SPAG8: variants seen among roughly 807,000 people sequenced by gnomAD.
The protein encoded by SPAG8 is sperm-associated antigen 8.
Under a neutral mutation model 45.3 loss-of-function variants are expected in SPAG8, and 36 were observed. The observed-to-expected ratio is 0.80, with a 90% CI of 0.61 to 1.05. The LOEUF (loss-of-function observed/expected upper bound fraction) is 1.05, where lower values mean the gene tolerates loss of function less well. Among genes scored for constraint, SPAG8 ranks in the 50% least tolerant of loss-of-function variants. SPAG8 has a pLI of 0.00. For synonymous variants in SPAG8, 227 were observed against 232.6 expected (o/e 0.98, Z 0.22); for missense variants, 573 against 609.2 (o/e 0.94, Z 0.63).
In SPAG8 at chr9:35,810,229, C is replaced by G; in HGVS notation, c.1263+18G>C. On this transcript the variant is annotated intron_variant, in intron 6 of 6. Transcript: ENST00000396638. Reference sequence around the variant, plus strand: ...TCCTGCCCCGCTCTGCCCCCAACACCTAGTCACCCTCACACACCGGCAGCT... The same window carrying G: ...TCCTGCCCCGCTCTGCCCCCAACACGTAGTCACCCTCACACACCGGCAGCT... 6.2e-7 allele frequency: 1 copy of G among 1,613,858 alleles called. No individual in the cohort carries two copies. Among genetic ancestry groups the G allele is most frequent in the Non-Finnish European group, 8.5e-7 (1 of 1,179,716 alleles).
At chr9:35,810,188 A>C in intron 6 of SPAG8, 56 bp from the exon 7 acceptor site, 1 of 1,609,614 alleles carries the variant, frequency 6.2e-7, no homozygotes, top group Admixed American at 1.7e-5. Context: ...AGAACAAAAC[A>C]ACTCTGCCCT....
chr9:35,809,022 G>A (rs1828593150), downstream of SPAG8: 2 of 993,082 alleles, frequency 2.0e-6, no homozygotes, highest in Admixed American at 3.4e-5. The surrounding 1 kb of genome is among the most constrained non-coding windows in gnomAD (Gnocchi z 4.1). Context: ...GGCATATTTT[G>A]GTCCTAATAG....
At chr9:35,808,398 GTC>G, downstream of SPAG8, 1 of 1,401,976 alleles carries the variant, frequency 7.1e-7, no homozygotes. The surrounding 1 kb of genome is among the most constrained non-coding windows in gnomAD (Gnocchi z 4.0). Context: ...CAATATTCTG[GTC>G]TCCAGCATGT....
downstream of SPAG8, chr9:35,808,856 AAG>A: frequency 6.5e-7 from 1 of 1,544,980 alleles, no homozygotes; most frequent in South Asian, 1.1e-5. The surrounding 1 kb of genome is among the most constrained non-coding windows in gnomAD (Gnocchi z 4.0). Flanking sequence ...TGGTCAAGGT[AAG>A]ACATTAGCCC....
downstream of SPAG8, chr9:35,807,950 C>T (rs1828498188): frequency 1.8e-6 from 1 of 558,568 alleles, no homozygotes; most frequent in Admixed American, 3.3e-5. Flanking sequence ...ATGGAAAGTA[C>T]CTAACATTGT....
In SPAG8 at chr9:35,810,239, T is replaced by C; in HGVS notation, c.1263+8A>G. On this transcript the variant is annotated splice_region_variant and intron_variant, in intron 6 of 6. Coordinates refer to ENST00000396638, the MANE Select transcript of SPAG8 (RefSeq NM_001039592.2). ...CTCTGCCCCCAACACCTAGTCACCCTCACACACCGGCAGCTGTGGTGCCCT... is the reference window on the plus strand; with the variant it reads ...CTCTGCCCCCAACACCTAGTCACCCCCACACACCGGCAGCTGTGGTGCCCT... 1 of 1,614,060 alleles carries C rather than the reference T, an allele frequency of 6.2e-7. No individual in the cohort carries two copies. Among genetic ancestry groups the C allele is most frequent in the Non-Finnish European group, 8.5e-7 (1 of 1,179,928 alleles).
chr9:35,810,547 C>T lies in SPAG8; in HGVS notation c.1092G>A (p.Glu364=), dbSNP rs942912654. 1 of 1,614,156 alleles carries T rather than the reference C, an allele frequency of 6.2e-7. No individual in the cohort carries two copies. Among genetic ancestry groups the T allele is most frequent in the Middle Eastern group, 1.6e-4 (1 of 6,062 alleles). ...TTGTGGGTTCCTGTTCTGCCTGCAC[C>T]TCTTTACTATGTAGCCCGAGGGGTG... ...EMLLQHQICK[E]VQAEQEPTRK... Residue 364 remains glutamate, a synonymous_variant, in exon 5 of 7, where the codon GAG becomes GAA. Transcript: ENST00000396638.
At position 35,810,694 on chromosome 9, in the gene SPAG8, T is replaced by C. The variant is rs370935982; in HGVS notation, c.1040-12A>G. On this transcript the variant is annotated splice_polypyrimidine_tract_variant and intron_variant, in intron 3 of 6. Coordinates refer to ENST00000396638, the MANE Select transcript of SPAG8 (RefSeq NM_001039592.2). ...GGCTTCACGCTTCCCTGTGAGAGAG[T>C]TGGGGGGTGGGCAAGGTGGGGTCTG... is the stretch of plus-strand genomic sequence containing the variant. 13 of 1,613,434 alleles carry C rather than the reference T, an allele frequency of 8.1e-6. No homozygotes were observed. The highest frequency in any genetic ancestry group is 4.0e-5 in the African/African-American group (3 of 74,702).
chr9:35,809,102 T>C, downstream of SPAG8: 10 of 1,492,640 alleles, frequency 6.7e-6, 1 homozygote, highest in Non-Finnish European at 8.4e-6. The surrounding 1 kb of genome is among the most constrained non-coding windows in gnomAD (Gnocchi z 4.1). Flanking sequence ...AATTATTTGA[T>C]TGCCTTTTCT....
chr9:35,811,935 A>T lies in SPAG8; in HGVS notation c.111T>A (p.Asp37Glu). The T allele has an allele frequency of 1.2e-6, 2 of 1,604,592 alleles. No homozygotes were observed. Among genetic ancestry groups the T allele is most frequent in the South Asian group, 2.2e-5 (2 of 90,894 alleles). The change falls in exon 2 of 7, where the codon GAT (aspartate) becomes GAA (glutamate). Residue 37 changes from aspartate to glutamate, a missense_variant. Coordinates refer to ENST00000396638, the MANE Select transcript of SPAG8 (RefSeq NM_001039592.2). ...CTGCCAGGGCCGACCTGGGACTGTC[A>T]TCTGAAGAAGGAAACGGTTCCGAAG... Reference protein sequence around the residue: ...GPTSEPFPSSDDSPRSALAAA... With the variant: ...GPTSEPFPSSEDSPRSALAAA...
chr9:35,810,880 C>T lies in SPAG8; in HGVS notation c.1039+3G>A. On this transcript the variant is annotated splice_donor_region_variant and intron_variant, in intron 3 of 6. Coordinates refer to ENST00000396638, the MANE Select transcript of SPAG8 (RefSeq NM_001039592.2). ...TTCTGGCCTACCCTCTCACATTTCA[C>T]ACCTCGAAGTGGCCAATAGACGTTT... is the stretch of plus-strand genomic sequence containing the variant. 4 of 1,611,420 alleles carry T rather than the reference C, an allele frequency of 2.5e-6. No individual in the cohort carries two copies. Among genetic ancestry groups the T allele is most frequent in the Non-Finnish European group, 3.4e-6 (4 of 1,178,852 alleles).
Position 35,811,208 on chromosome 9 carries a change from A to G in SPAG8, c.838T>C (p.Cys280Arg), listed in dbSNP as rs1828774311. Residue 280 changes from cysteine to arginine, a missense_variant, in exon 2 of 7, where the codon TGC becomes CGC. By Grantham distance (180) the Cys-to-Arg change is radical. Transcript: ENST00000396638. ...TCTTCCTCCCAGTTGTAGAGGAGGC[A>G]CTGGCCCCGCGGCAAAGTTTCATAG... ...VCYETLPRGQ[C>R]LLYNWEEERA... is the part of the protein sequence containing the mutation. The G allele has an allele frequency of 3.2e-6, 5 of 1,580,610 alleles. No individual in the cohort carries two copies. The highest frequency in any genetic ancestry group is 4.3e-6 in the Non-Finnish European group (5 of 1,162,096).
chr9:35,808,056 CA>C, downstream of SPAG8: 1 of 760,862 alleles, frequency 1.3e-6, no homozygotes, highest in South Asian at 1.6e-5. The surrounding 1 kb of genome is among the most constrained non-coding windows in gnomAD (Gnocchi z 4.0). Flanking sequence ...TTCCTTAAAA[CA>C]ATGGCATTTA....
Position 35,812,104 on chromosome 9 carries a change from C to A in SPAG8, c.44G>T (p.Arg15Leu), listed in dbSNP as rs1410752418. Residue 15 changes from arginine to leucine, a missense_variant and splice_region_variant, in exon 1 of 7, where the codon CGA becomes CTA. Physicochemically the swap from Arg to Leu is moderately radical, Grantham distance 102. Coordinates refer to ENST00000396638, the MANE Select transcript of SPAG8 (RefSeq NM_001039592.2). ...ESTEGSRSRS[R>L]SLDIQPSSEG... ...CTGCAGCCAGAGCTGCGGCTCTCAC[C>A]GCGACCGCGACCGCGATCCCTCCGT... 3.8e-6 allele frequency: 6 copies of A among 1,594,320 alleles called. No individual in the cohort carries two copies. The highest frequency in any genetic ancestry group is 1.7e-5 in the Admixed American group (1 of 59,486).
downstream of SPAG8, chr9:35,808,716 C>T: frequency 6.2e-7 from 1 of 1,612,586 alleles, no homozygotes; most frequent in South Asian, 1.1e-5. This position sits in a 1 kb window ranked among gnomAD's most constrained non-coding sequence, Gnocchi z 4.0. Flanking sequence ...CCCTAGTCTC[C>T]ACCTTTCCCA....
chr9:35,809,719 A>T (rs1828664871), downstream of SPAG8: 8 of 1,278,986 alleles, frequency 6.3e-6, no homozygotes, highest in Admixed American at 1.8e-5. The surrounding 1 kb of genome is among the most constrained non-coding windows in gnomAD (Gnocchi z 4.1). Context: ...TAATAAAAAA[A>T]GTTCTGATGT....
At chr9:35,809,227 CGG>C, downstream of SPAG8, 1 of 1,613,542 alleles carries the variant, frequency 6.2e-7, no homozygotes, top group Non-Finnish European at 8.5e-7. This position sits in a 1 kb window ranked among gnomAD's most constrained non-coding sequence, Gnocchi z 4.1. Flanking sequence ...GCTAGAGCTT[CGG>C]GGGGATGTGG....
chr9:35,811,872 A>G lies in SPAG8; in HGVS notation c.174T>C (p.Ala58=). The G allele has an allele frequency of 6.2e-7, 1 of 1,610,614 alleles. No homozygotes were observed. Among genetic ancestry groups the G allele is most frequent in the South Asian group, 1.1e-5 (1 of 91,042 alleles). The change falls in exon 2 of 7, where the codon GCT becomes GCC. Residue 58 remains alanine, a synonymous_variant. Coordinates refer to ENST00000396638, the MANE Select transcript of SPAG8 (RefSeq NM_001039592.2). Reference sequence around the variant, plus strand: ...CAGTGGTGAAGGCTGCAGTAGCTGCAGCAGCTGATGCAGCCGCTGCAGCTG... The same window carrying G: ...CAGTGGTGAAGGCTGCAGTAGCTGCGGCAGCTGATGCAGCCGCTGCAGCTG... ...TAAAAAAASA[A]AATAAFTTAK... is the part of the protein sequence containing the mutation.
In SPAG8 at chr9:35,810,625, C is replaced by CCAAT; in HGVS notation, c.1085+8_1085+11dup. 6.2e-7 allele frequency: 1 copy of CCAAT among 1,614,136 alleles called. No individual in the cohort carries two copies. The highest frequency in any genetic ancestry group is 8.5e-7 in the Non-Finnish European group (1 of 1,180,022). Reference sequence around the variant, plus strand: ...CCTCCCCATCCCTCTTCCCCTTTACCCAATCCCTTACCAGATCTGATGCTG... The same window carrying CCAAT: ...CCTCCCCATCCCTCTTCCCCTTTACCCAATCAATCCCTTACCAGATCTGATGCTG... On this transcript the variant is annotated intron_variant, in intron 4 of 6. Coordinates refer to ENST00000396638, the MANE Select transcript of SPAG8 (RefSeq NM_001039592.2).
Sources: gnomAD v4.1 joint callset for allele counts on GRCh38, gnomAD v4.1.1 for gene constraint, Gnocchi (gnomAD v3.1) non-coding constraint, MANE v1.5 for transcripts, NCBI Gene and HGNC (gene_info 2026-07-23, HGNC 2026-07-21) for gene names.